Variants in OLFM2 observed in about 807,000 individuals in gnomAD.
The protein encoded by OLFM2 is noelin-2.
OLFM2 carries 20 observed loss-of-function variants against 43.9 expected under a neutral mutation model. The observed-to-expected ratio is 0.46, with a 90% CI of 0.32 to 0.66. The LOEUF (loss-of-function observed/expected upper bound fraction) is 0.66, where lower values mean the gene tolerates loss of function less well. Ranked by LOEUF, OLFM2 falls within the 30% of genes least tolerant of loss-of-function variation. OLFM2 has a pLI of 0.04. For synonymous variants in OLFM2, 268 were observed against 278.6 expected (o/e 0.96, Z 0.38); for missense variants, 416 against 643.6 (o/e 0.65, Z 3.83).
intron 1 of OLFM2, among the ~76,000 whole-genome samples, chr19:9,879,494 C>G (rs935196825): frequency 2.0e-5 from 3 of 152,120 alleles, no homozygotes; most frequent in Non-Finnish European, 4.4e-5. Flanking sequence ...CCTGCTCTGG[C>G]CGTGTAAAAC....
intron 1 of OLFM2, among the ~76,000 whole-genome samples, chr19:9,880,762 G>A (rs936869221): frequency 6.6e-6 from 1 of 152,128 alleles, no homozygotes; most frequent in East Asian, 1.9e-4. Flanking sequence ...CTAGGATTGT[G>A]AGAAATTAAA....
At position 9,865,835 on chromosome 19, in the gene OLFM2, AC is replaced by A. The variant is rs760975702; in HGVS notation, c.64-5042del. On this transcript the variant is annotated intron_variant, in intron 1 of 5. Coordinates refer to ENST00000264833, the MANE Select transcript of OLFM2 (RefSeq NM_058164.4). Reference sequence around the variant, plus strand: ...TCATTCTTAAAAAAAAAAAAAAAAAACAAAGAAAAACATCAAACAGGAGCCC... The same window carrying A: ...TCATTCTTAAAAAAAAAAAAAAAAAAAAAGAAAAACATCAAACAGGAGCCC... 7.2e-3 allele frequency among the ~76,000 whole-genome samples: 903 copies of A among 124,626 alleles called. 4 individuals carry two copies. The highest frequency in any genetic ancestry group is 0.011 in the Middle Eastern group (2 of 188). 81.8% of individuals were successfully genotyped at this position (124,626 alleles called of 152,430 possible).
chr19:9,920,949 A>G (rs1043075423), intron 1 of OLFM2, among the ~76,000 whole-genome samples: 4 of 152,012 alleles, frequency 2.6e-5, no homozygotes, highest in Non-Finnish European at 5.9e-5. Flanking sequence ...TCTGGGTGGT[A>G]AAAAACTCGT....
chr19:9,881,175 G>C (rs914123404), intron 1 of OLFM2, among the ~76,000 whole-genome samples: 9 of 152,206 alleles, frequency 5.9e-5, no homozygotes, highest in African/African-American at 2.2e-4. Flanking sequence ...GGGATTACAG[G>C]CATGAGCCAC....
intron 2 of OLFM2, 194 bp from the exon 3 acceptor site, chr19:9,858,055 A>G: frequency 3.0e-6 from 2 of 672,476 alleles, no homozygotes; most frequent in East Asian, 2.8e-5. Flanking sequence ...CCTCCCTACT[A>G]CCCACTGGCT....
chr19:9,924,193 G>A (rs1276468510), intron 1 of OLFM2, among the ~76,000 whole-genome samples: 5 of 134,862 alleles, frequency 3.7e-5, no homozygotes, highest in Non-Finnish European at 7.5e-5. Context: ...GGCAGATCAC[G>A]AGGTCAGGAG....
intron 1 of OLFM2, among the ~76,000 whole-genome samples, chr19:9,891,557 G>A (rs548111837): frequency 8.6e-5 from 13 of 151,434 alleles, no homozygotes; most frequent in Admixed American, 7.9e-4. Flanking sequence ...CCGGGAGGCA[G>A]AGGTGAGCTG....
In OLFM2 at chr19:9,857,435, C is replaced by T; in HGVS notation, c.408G>A (p.Leu136=). The T allele has an allele frequency of 6.2e-7, 1 of 1,614,162 alleles. No homozygotes were observed. Among genetic ancestry groups the T allele is most frequent in the East Asian group, 2.2e-5 (1 of 44,878 alleles). The change falls in exon 4 of 6, where the codon CTG becomes CTA. Residue 136 remains leucine (L), a synonymous_variant. Transcript: ENST00000264833. The surrounding 1 kb of genome is among the most constrained non-coding windows in gnomAD (Gnocchi z 5.7). The part of the protein sequence containing the change: ...MTELLPLSSV[L]EQYKADTRTI... ...TCCGCGTGTCTGCCTTGTACTGCTC[C>T]AGGACCGAGCTCAGGGGCAACAGTT...
chr19:9,877,466 G>A (rs894636530), intron 1 of OLFM2, among the ~76,000 whole-genome samples: 1 of 150,728 alleles, frequency 6.6e-6, no homozygotes, highest in Admixed American at 6.6e-5. Flanking sequence ...TCGGGAGGCG[G>A]AGGTTGCGGT....
chr19:9,855,659 G>A (rs950691533), intron 5 of OLFM2, among the ~76,000 whole-genome samples: 1 of 151,854 alleles, frequency 6.6e-6, no homozygotes, highest in African/African-American at 2.4e-5. Context: ...TCAGCCCCCC[G>A]GAATAGCAGG....
chr19:9,868,758 T>C (rs1240995938), intron 1 of OLFM2, among the ~76,000 whole-genome samples: 2 of 151,540 alleles, frequency 1.3e-5, no homozygotes, highest in African/African-American at 2.4e-5. Flanking sequence ...CTGGGCAACA[T>C]AGTAAAACCT....
chr19:9,860,549 G>A, intron 2 of OLFM2, 96 bp downstream of exon 2: 1 of 1,347,286 alleles, frequency 7.4e-7, no homozygotes, highest in East Asian at 2.5e-5. Flanking sequence ...TTGCATAGCT[G>A]GATATGGCCA....
At chr19:9,868,753 C>A (rs2046421347) in intron 1 of OLFM2, among the ~76,000 whole-genome samples, 2 of 151,872 alleles carry the variant, frequency 1.3e-5, no homozygotes, top group African/African-American at 4.8e-5. Context: ...CCAGCCTGGG[C>A]AACATAGTAA....
chr19:9,874,985 A>G (rs2046473184), intron 1 of OLFM2, among the ~76,000 whole-genome samples: 1 of 152,190 alleles, frequency 6.6e-6, no homozygotes, highest in African/African-American at 2.4e-5. Flanking sequence ...AACCCAATGC[A>G]GTAGCTGCTT....
At chr19:9,898,190 C>T (rs956493142) in intron 1 of OLFM2, among the ~76,000 whole-genome samples, 1 of 148,976 alleles carries the variant, frequency 6.7e-6, no homozygotes, top group Non-Finnish European at 1.5e-5. Flanking sequence ...GGATTACAGG[C>T]ATGAGCCATA....
chr19:9,879,236 G>T (rs938242052), intron 1 of OLFM2, among the ~76,000 whole-genome samples: 1 of 152,184 alleles, frequency 6.6e-6, no homozygotes, highest in Non-Finnish European at 1.5e-5. Context: ...GGGTTCAAGC[G>T]ATTCTCCTGC....
At chr19:9,879,287 C>A (rs1449202195) in intron 1 of OLFM2, among the ~76,000 whole-genome samples, 5 of 152,296 alleles carry the variant, frequency 3.3e-5, no homozygotes, top group African/African-American at 1.2e-4. Flanking sequence ...CATGCGCCAC[C>A]ACGCCTGGCT....
Position 9,931,240 on chromosome 19 carries a change from G to A in OLFM2, c.63+5064C>T, listed in dbSNP as rs143133284. 6.3e-3 allele frequency among the ~76,000 whole-genome samples: 958 copies of A among 152,260 alleles called. 17 individuals are homozygous for A. The highest frequency in any genetic ancestry group is 0.022 in the African/African-American group (922 of 41,552). On this transcript the variant is annotated intron_variant, in intron 1 of 5. Transcript: ENST00000264833. ...TGGAATGTCAGGCACAGGTAAAGAA[G>A]ATGGGTTTTCTTTCTTTCTTTTTTG...
At chr19:9,858,947 C>G (rs920649038) in intron 2 of OLFM2, among the ~76,000 whole-genome samples, 1 of 151,984 alleles carries the variant, frequency 6.6e-6, no homozygotes, top group African/African-American at 2.4e-5. Context: ...TAGACCCTCA[C>G]CTGGCTAAGG....
Sources: allele counts gnomAD v4.1 joint callset (sites outside exome capture counted in the v4.1 genomes callset), GRCh38; gene constraint gnomAD v4.1.1; non-coding constraint Gnocchi (gnomAD v3.1); transcripts MANE v1.5; gene names NCBI Gene and HGNC (gene_info 2026-07-23, HGNC 2026-07-21).